The following BBS12 variants were observed in gnomAD, a reference collection of about 807,000 sequenced individuals.
BBS12 encodes the protein Bardet-Biedl syndrome 12.
BBS12 carries 5 observed loss-of-function variants against 5.6 expected under a neutral mutation model. The observed-to-expected ratio is 0.89, with a 90% confidence interval of 0.46 to 1.86. The LOEUF is 1.86. BBS12 is among the 40% of genes most tolerant of loss of function. The pLI, the probability that BBS12 is intolerant of heterozygous loss-of-function variation, is 0.01. For missense variants in BBS12, 748 were observed against 830.4 expected (o/e 0.90, Z 1.22); for synonymous variants, 308 against 306.8 (o/e 1.00, Z -0.04).
At chr4:122,725,753 C>T in the BBS12 span, among the ~76,000 whole-genome samples, 1 of 151,944 alleles carries the variant, frequency 6.6e-6, no homozygotes, top group Non-Finnish European at 1.5e-5. Context: ...AAAAAATTAG[C>T]TGGGTGTGGT....
At chr4:122,736,791 G>C (rs1399604804) in intron 1 of BBS12, among the ~76,000 whole-genome samples, 3 of 152,072 alleles carry the variant, frequency 2.0e-5, no homozygotes, top group African/African-American at 7.2e-5. Flanking sequence ...CCATCTCTTA[G>C]AGGATGGGGC....
Position 122,743,446 on chromosome 4 carries a change from G to T in BBS12, c.1554G>T (p.Arg518Ser). 6.2e-7 allele frequency: 1 copy of T among 1,614,174 alleles called. No homozygotes were observed. Among genetic ancestry groups the T allele is most frequent in the East Asian group, 2.2e-5 (1 of 44,886 alleles). Reference protein sequence around the residue: ...VTAQMQIKEDRFWTCAYRLYY... With the variant: ...VTAQMQIKEDSFWTCAYRLYY... ...CACAGATGCAAATCAAAGAAGATAG[G>T]TTCTGGACATGTGCCTATCGTTTGT... is the stretch of plus-strand genomic sequence containing the variant. The change falls in exon 2 of 2, where the codon AGG (arginine) becomes AGT (serine). Residue 518 changes from arginine (R) to serine (S), a missense_variant. Transcript: ENST00000314218.
intron 1 of BBS12, among the ~76,000 whole-genome samples, 195 bp from the exon 2 acceptor site, chr4:122,741,688 G>A (rs556488492): frequency 6.6e-6 from 1 of 152,174 alleles, no homozygotes; most frequent in East Asian, 1.9e-4. Context: ...CCTCTGTTGG[G>A]TGGAGTGTTT....
the BBS12 span, among the ~76,000 whole-genome samples, chr4:122,714,897 A>G: frequency 0.43 from 65,974 of 151,844 alleles, 15,939 homozygotes; most frequent in East Asian, 0.65. Flanking sequence ...ATTATTTAGT[A>G]CATGCTTATC....
At chr4:122,714,390 G>T in the BBS12 span, among the ~76,000 whole-genome samples, 1 of 152,166 alleles carries the variant, frequency 6.6e-6, no homozygotes, top group Admixed American at 6.5e-5. Flanking sequence ...AGCCTGAGCA[G>T]GCCAAGATGG....
the BBS12 span, among the ~76,000 whole-genome samples, chr4:122,716,645 G>GTGTGTATATGCACATACACA: frequency 9.1e-6 from 1 of 110,240 alleles, no homozygotes; most frequent in Admixed American, 9.4e-5. Context: ...ATATACACAC[G>GTGTGTATATGCACATACACA]TGTGTGTATA....
chr4:122,713,110 G>A, the BBS12 span, among the ~76,000 whole-genome samples: 26 of 152,020 alleles, frequency 1.7e-4, no homozygotes, highest in Non-Finnish European at 3.2e-4. Flanking sequence ...TTCACTTTTC[G>A]ACTTATTTAT....
upstream of BBS12, chr4:122,728,648 G>C (rs1380916516): frequency 6.6e-6 from 1 of 152,198 alleles, no homozygotes; most frequent in South Asian, 2.1e-4. Context: ...CCCTGGTCTA[G>C]AAGAAATGTT....
the BBS12 span, among the ~76,000 whole-genome samples, chr4:122,708,268 G>A: frequency 3.3e-5 from 5 of 152,164 alleles, no homozygotes; most frequent in African/African-American, 1.2e-4. Context: ...GCCTCAGCAA[G>A]ATACCCCTTT....
chr4:122,716,647 GTGTGTA>G, the BBS12 span, among the ~76,000 whole-genome samples: 2 of 82,872 alleles, frequency 2.4e-5, no homozygotes, highest in Non-Finnish European at 4.4e-5. Flanking sequence ...ATACACACGT[GTGTGTA>G]TATGCACATA....
At chr4:122,716,676 T>TGC in the BBS12 span, among the ~76,000 whole-genome samples, 962 of 81,518 alleles carry the variant, frequency 0.012, 84 homozygotes, top group Middle Eastern at 0.023. Context: ...CATATGTGTA[T>TGC]ATATACACAT....
intron 1 of BBS12, among the ~76,000 whole-genome samples, chr4:122,740,531 C>A (rs1319060440): frequency 1.3e-5 from 2 of 152,200 alleles, no homozygotes; most frequent in African/African-American, 4.8e-5. Context: ...TATCTCTCTG[C>A]ACAATTAGAT....
At chr4:122,739,436 A>G (rs1800832655) in intron 1 of BBS12, among the ~76,000 whole-genome samples, 1 of 152,256 alleles carries the variant, frequency 6.6e-6, no homozygotes, top group African/African-American at 2.4e-5. Context: ...AATGTGAGTC[A>G]GGCCTTTTGC....
chr4:122,725,731 T>C, the BBS12 span, among the ~76,000 whole-genome samples: 1 of 151,860 alleles, frequency 6.6e-6, no homozygotes, highest in African/African-American at 2.4e-5. Flanking sequence ...ACCCCGTCTC[T>C]ACTAAAAATA....
chr4:122,730,736 A>G (rs557545490), upstream of BBS12: 20 of 152,118 alleles, frequency 1.3e-4, no homozygotes, highest in Middle Eastern at 3.4e-3. Context: ...CATAAGTGCA[A>G]CTAAAGTTAG....
chr4:122,708,188 T>A, the BBS12 span, among the ~76,000 whole-genome samples: 1 of 151,990 alleles, frequency 6.6e-6, no homozygotes, highest in Admixed American at 6.5e-5. Context: ...ATTTTTCTAT[T>A]TTTAGTAGAG....
chr4:122,726,443 G>A, the BBS12 span, among the ~76,000 whole-genome samples: 12 of 152,176 alleles, frequency 7.9e-5, no homozygotes, highest in African/African-American at 2.2e-4. Context: ...GTGTGGATGC[G>A]GTGAAGAGGG....
the BBS12 span, among the ~76,000 whole-genome samples, chr4:122,707,943 C>CCCTTCCTTCCTTCCTTCCTTCCTCCCTT: frequency 7.0e-6 from 1 of 143,124 alleles, no homozygotes; most frequent in Non-Finnish European, 1.5e-5. Flanking sequence ...ACACTCCTTT[C>CCCTTCCTTCCTTCCTTCCTTCCTCCCTT]CCTTCCTTCC....
In BBS12 at chr4:122,744,308, G is replaced by T; in HGVS notation, c.*283G>T. ...AAAGCTGTAGCCAGAGCTTCATGTT[G>T]GTTTTATTCAGTTCCTCATTTTTCT... On this transcript the variant is annotated 3_prime_UTR_variant, in exon 2 of 2. Coordinates refer to ENST00000314218, the MANE Select transcript of BBS12 (RefSeq NM_152618.3). The T allele has an allele frequency of 2.8e-6, 1 of 360,810 alleles. No homozygotes were observed. 22.4% of individuals were successfully genotyped at this position (360,810 alleles called of 1,614,324 possible).
Sources: allele counts gnomAD v4.1 joint callset (sites outside exome capture counted in the v4.1 genomes callset), GRCh38; gene constraint gnomAD v4.1.1; transcripts MANE v1.5; gene names NCBI Gene and HGNC (gene_info 2026-07-23, HGNC 2026-07-21).